Variants in NXPE2 observed in about 807,000 individuals in gnomAD.
NXPE2 encodes NXPE family member 2.
NXPE2 carries 34 observed loss-of-function variants against 34.4 expected under a neutral mutation model. The observed-to-expected ratio is 0.99, with a 90% CI of 0.75 to 1.31. The LOEUF (loss-of-function observed/expected upper bound fraction) is 1.31, where lower values mean the gene tolerates loss of function less well. Ranked by LOEUF, NXPE2 falls within the 40% of genes most tolerant of loss-of-function variation. The pLI, the probability that NXPE2 is intolerant of heterozygous loss-of-function variation, is 0.00. For synonymous variants in NXPE2, 235 were observed against 231.3 expected (o/e 1.02, Z -0.15); for missense variants, 649 against 672.5 (o/e 0.97, Z 0.39).
At chr11:114,528,736 G>A in the NXPE2 span, 1 of 568,310 alleles carries the variant, frequency 1.8e-6, no homozygotes, top group South Asian at 2.3e-5. Context: ...GAGGAAGGAA[G>A]AAAGGGATTA....
the NXPE2 span, among the ~76,000 whole-genome samples, chr11:114,640,612 A>G: frequency 6.6e-6 from 1 of 151,926 alleles, no homozygotes; most frequent in African/African-American, 2.4e-5. Context: ...ATCTTCACGA[A>G]CATCTGTTGG....
the NXPE2 span, among the ~76,000 whole-genome samples, chr11:114,739,354 C>T: frequency 8.7e-4 from 53 of 60,796 alleles, 1 homozygote; most frequent in East Asian, 6.6e-3. Context: ...CTTCCTCTCT[C>T]CCTCCCTCCC....
At chr11:114,540,576 T>G in the NXPE2 span, among the ~76,000 whole-genome samples, 5 of 152,126 alleles carry the variant, frequency 3.3e-5, no homozygotes, top group African/African-American at 1.2e-4. Context: ...AATAATTTTT[T>G]TTTAAGTATA....
chr11:114,630,430 C>T, the NXPE2 span, among the ~76,000 whole-genome samples: 1 of 151,734 alleles, frequency 6.6e-6, no homozygotes, highest in Non-Finnish European at 1.5e-5. Flanking sequence ...GGAAAGTATT[C>T]CCTATTTAAT....
the NXPE2 span, among the ~76,000 whole-genome samples, chr11:114,621,437 G>T: frequency 6.6e-6 from 1 of 151,896 alleles, no homozygotes; most frequent in African/African-American, 2.4e-5. Flanking sequence ...TGCCTCTAAG[G>T]TAATCACTGT....
chr11:114,809,180 G>T, the NXPE2 span, among the ~76,000 whole-genome samples: 1 of 151,942 alleles, frequency 6.6e-6, no homozygotes, highest in East Asian at 2.0e-4. Context: ...ATTAGGTATT[G>T]ATGGGACGTA....
the NXPE2 span, among the ~76,000 whole-genome samples, chr11:114,558,436 AT>A: frequency 6.6e-6 from 1 of 152,110 alleles, no homozygotes; most frequent in Non-Finnish European, 1.5e-5. Flanking sequence ...GTAATTAAAT[AT>A]ATGATGTTGG....
At chr11:114,725,976 A>AAAAATATATATATATATATATATATATAT in the NXPE2 span, among the ~76,000 whole-genome samples, 3 of 101,758 alleles carry the variant, frequency 2.9e-5, no homozygotes, top group East Asian at 3.6e-4. Context: ...ATAAAAAAAA[A>AAAAATATATATATATATATATATATATAT]ATATATATAT....
At chr11:114,464,745 C>A in the NXPE2 span, among the ~76,000 whole-genome samples, 1,569 of 152,058 alleles carry the variant, frequency 0.01, 34 homozygotes, top group African/African-American at 0.036. Context: ...AATTTCTTTT[C>A]TCTAAATCTA....
chr11:114,464,988 A>G, the NXPE2 span, among the ~76,000 whole-genome samples: 5 of 152,202 alleles, frequency 3.3e-5, no homozygotes, highest in African/African-American at 1.2e-4. Context: ...ATATTAAACT[A>G]CAATAAGAAA....
chr11:114,707,187 G>A (rs1220622116), downstream of NXPE2, among the ~76,000 whole-genome samples: 1 of 152,098 alleles, frequency 6.6e-6, no homozygotes, highest in Non-Finnish European at 1.5e-5. Context: ...CACCTCCAAG[G>A]TTCAAGTGAT....
chr11:114,725,981 A>ATAT, the NXPE2 span, among the ~76,000 whole-genome samples: 1 of 139,338 alleles, frequency 7.2e-6, no homozygotes, highest in Non-Finnish European at 1.6e-5. Flanking sequence ...AAAAAAATAT[A>ATAT]TATATATATA....
chr11:114,530,701 C>T, the NXPE2 span: 3 of 1,614,132 alleles, frequency 1.9e-6, no homozygotes, highest in Non-Finnish European at 2.5e-6. Flanking sequence ...AGGATGGTGG[C>T]TGTGCTGTGT....
downstream of NXPE2, among the ~76,000 whole-genome samples, chr11:114,710,529 G>A (rs1017230594): frequency 7.2e-4 from 109 of 151,990 alleles, no homozygotes; most frequent in Admixed American, 5.2e-4. Context: ...TACAACCTAC[G>A]AAGACTGAAT....
the NXPE2 span, among the ~76,000 whole-genome samples, chr11:114,730,767 AGTT>A: frequency 1.3e-5 from 2 of 152,128 alleles, no homozygotes; most frequent in Non-Finnish European, 2.9e-5. Flanking sequence ...ACTTTACTGA[AGTT>A]GTTTATTAGT....
intron 2 of NXPE2, among the ~76,000 whole-genome samples, chr11:114,681,275 G>T (rs1445609475): frequency 6.6e-6 from 1 of 152,214 alleles, no homozygotes; most frequent in Non-Finnish European, 1.5e-5. Flanking sequence ...TGTATATTGT[G>T]TGTCAGGCAC....
intron 3 of NXPE2, among the ~76,000 whole-genome samples, chr11:114,702,734 C>A (rs1951389246): frequency 6.6e-6 from 1 of 152,132 alleles, no homozygotes; most frequent in Non-Finnish European, 1.5e-5. Context: ...ATTCTAAAGT[C>A]AATGGGCCAT....
the NXPE2 span, among the ~76,000 whole-genome samples, chr11:114,808,284 T>G: frequency 6.6e-6 from 1 of 151,476 alleles, no homozygotes; most frequent in Non-Finnish European, 1.5e-5. Context: ...ATTAAAAGAA[T>G]TAGAAAAGCA....
At chr11:114,791,316 T>A in the NXPE2 span, among the ~76,000 whole-genome samples, 1 of 152,202 alleles carries the variant, frequency 6.6e-6, no homozygotes, top group Non-Finnish European at 1.5e-5. Flanking sequence ...GTTCTGTATA[T>A]GCCCAAACTA....
Sources: gnomAD v4.1 joint callset for allele counts (sites outside exome capture counted in the v4.1 genomes callset) on GRCh38, gnomAD v4.1.1 for gene constraint, MANE v1.5 for transcripts, NCBI Gene and HGNC (gene_info 2026-07-23, HGNC 2026-07-21) for gene names.